The following CHODL variants were observed in gnomAD, a reference collection of about 807,000 sequenced individuals.
The protein encoded by CHODL is chondrolectin.
A neutral mutation model predicts 34.5 loss-of-function variants in CHODL; 29 were observed. That is an observed-to-expected ratio of 0.84 (90% CI 0.63 to 1.15). CHODL has a LOEUF of 1.15. Ranked by LOEUF, CHODL falls within the 50% of genes most tolerant of loss-of-function variation. CHODL has a pLI of 0.00. For missense variants in CHODL, 332 were observed against 332.5 expected (o/e 1.00, Z 0.01); for synonymous variants, 125 against 116.1 (o/e 1.08, Z -0.49).
chr21:18,236,020 G>A (rs1019813835), intron 2 of CHODL, among the ~76,000 whole-genome samples: 10 of 152,060 alleles, frequency 6.6e-5, no homozygotes, highest in African/African-American at 2.4e-4. Flanking sequence ...TCTCATCTAT[G>A]AGTTTTGTAT....
intron 2 of CHODL, among the ~76,000 whole-genome samples, chr21:18,066,370 T>A (rs2064731647): frequency 6.6e-6 from 1 of 152,040 alleles, no homozygotes; most frequent in Non-Finnish European, 1.5e-5. Context: ...TATGGGAATG[T>A]CTCATGATTG....
intron 1 of CHODL, among the ~76,000 whole-genome samples, chr21:17,928,840 T>A (rs546087485): frequency 3.9e-4 from 59 of 152,352 alleles, no homozygotes; most frequent in Non-Finnish European, 4.4e-4. Context: ...AATTATATTT[T>A]CAAACGTATA....
At chr21:17,964,500 C>G (rs1173377877) in intron 1 of CHODL, among the ~76,000 whole-genome samples, 2 of 152,320 alleles carry the variant, frequency 1.3e-5, no homozygotes, top group East Asian at 3.9e-4. Context: ...CTGTAAAATA[C>G]TTTTCTTTTT....
chr21:17,983,225 T>C (rs1318006335), intron 1 of CHODL, among the ~76,000 whole-genome samples: 2 of 152,218 alleles, frequency 1.3e-5, no homozygotes, highest in African/African-American at 4.8e-5. Flanking sequence ...ATATTAAATT[T>C]AGTAATGGCT....
intron 4 of CHODL, among the ~76,000 whole-genome samples, chr21:18,261,566 C>A (rs1319147198): frequency 6.6e-6 from 1 of 151,890 alleles, no homozygotes; most frequent in African/African-American, 2.4e-5. Context: ...ATTTGGGAGG[C>A]TGAGGCAGGA....
At chr21:18,205,279 A>G (rs1309666672) in intron 2 of CHODL, among the ~76,000 whole-genome samples, 1 of 152,016 alleles carries the variant, frequency 6.6e-6, no homozygotes, top group Non-Finnish European at 1.5e-5. Flanking sequence ...CCAGTTTTTC[A>G]GTTTTTATCA....
At chr21:18,179,664 T>C (rs113125969) in intron 2 of CHODL, among the ~76,000 whole-genome samples, 9 of 152,280 alleles carry the variant, frequency 5.9e-5, no homozygotes, top group Non-Finnish European at 1.0e-4. Context: ...TTCTTTTTCC[T>C]CCACTCTCCT....
chr21:18,100,905 C>T lies in CHODL; in HGVS notation c.-45+72934C>T, dbSNP rs1319023744. On this transcript the variant is annotated intron_variant, in intron 2 of 6. Transcript: ENST00000400127. The stretch of plus-strand genomic sequence containing the variant: ...TTTTTTTCCCCCAGTTTGGTAACTT[C>T]AGGCAAGTCAATGAGTATTTCAAAA... Among the ~76,000 whole-genome samples the T allele has an allele frequency of 2.0e-5, 3 of 152,090 alleles. No individual in the cohort carries two copies. The East Asian group carries it at 5.8e-4, about 29-fold the overall frequency.
chr21:18,205,225 G>A (rs2073698771), intron 2 of CHODL, among the ~76,000 whole-genome samples: 1 of 152,116 alleles, frequency 6.6e-6, no homozygotes, highest in African/African-American at 2.4e-5. Context: ...CTGTGGATCT[G>A]TTGTACATGG....
intron 1 of CHODL, among the ~76,000 whole-genome samples, chr21:17,963,414 C>G (rs2063547927): frequency 6.6e-6 from 1 of 152,180 alleles, no homozygotes; most frequent in African/African-American, 2.4e-5. Context: ...GTTTAATAGA[C>G]TCATAGTTCC....
chr21:18,103,625 G>A (rs1350107136), intron 2 of CHODL, among the ~76,000 whole-genome samples: 3 of 152,058 alleles, frequency 2.0e-5, no homozygotes, highest in Non-Finnish European at 4.4e-5. Flanking sequence ...GGGCTGGCTA[G>A]GATGACTTCT....
intron 1 of CHODL, among the ~76,000 whole-genome samples, chr21:17,929,491 G>T (rs2063254199): frequency 6.6e-6 from 1 of 152,186 alleles, no homozygotes. Flanking sequence ...AGAGCACAAC[G>T]GAATTCATCA....
intron 2 of CHODL, among the ~76,000 whole-genome samples, chr21:18,235,545 CT>C (rs1330927329): frequency 3.2e-4 from 48 of 151,884 alleles, no homozygotes; most frequent in African/African-American, 1.1e-3. Flanking sequence ...CTGTTATTGT[CT>C]ATAAAATTTA....
intron 1 of CHODL, among the ~76,000 whole-genome samples, chr21:17,958,266 C>T (rs2063507474): frequency 6.6e-6 from 1 of 152,090 alleles, no homozygotes; most frequent in African/African-American, 2.4e-5. Flanking sequence ...TGATAGTTTT[C>T]TATTTTTCTC....
chr21:18,190,958 T>C (rs1404520894), intron 2 of CHODL, among the ~76,000 whole-genome samples: 1 of 152,142 alleles, frequency 6.6e-6, no homozygotes, highest in Non-Finnish European at 1.5e-5. Context: ...GTTTTGGAGG[T>C]TCCTTGCTTA....
intron 2 of CHODL, among the ~76,000 whole-genome samples, chr21:18,127,537 C>T (rs1392232340): frequency 6.6e-6 from 1 of 152,018 alleles, no homozygotes; most frequent in Non-Finnish European, 1.5e-5. Flanking sequence ...GGGCAACTTA[C>T]ACATCAATAA....
At chr21:17,938,393 G>GAT (rs57915061) in intron 1 of CHODL, among the ~76,000 whole-genome samples, 42,869 of 143,572 alleles carry the variant, frequency 0.3, 6,667 homozygotes, top group South Asian at 0.49. Context: ...CATATATATA[G>GAT]ATATATATAT....
chr21:18,239,416 T>C (rs907631012), intron 2 of CHODL, among the ~76,000 whole-genome samples: 1 of 152,104 alleles, frequency 6.6e-6, no homozygotes, highest in Admixed American at 6.6e-5. Flanking sequence ...GATATTTAAA[T>C]TGATTTTTTT....
chr21:18,084,966 T>C (rs1021376154), intron 2 of CHODL, among the ~76,000 whole-genome samples: 3 of 150,668 alleles, frequency 2.0e-5, no homozygotes, highest in African/African-American at 7.3e-5. Context: ...TGTGTGAATC[T>C]GAGTGCTCCA....
Sources: gnomAD v4.1 joint callset for allele counts (sites outside exome capture counted in the v4.1 genomes callset) on GRCh38, gnomAD v4.1.1 for gene constraint, MANE v1.5 for transcripts, NCBI Gene and HGNC (gene_info 2026-07-23, HGNC 2026-07-21) for gene names.